Variants in CSMD1 observed in about 807,000 individuals in gnomAD.
CSMD1 encodes the protein CUB and sushi domain-containing protein 1.
A neutral mutation model predicts 417.5 loss-of-function variants in CSMD1; 213 were observed. That is an observed-to-expected ratio of 0.51 (90% CI 0.46 to 0.57). The LOEUF is 0.57. CSMD1 is among the 20% of genes least tolerant of loss of function. The pLI, the probability that CSMD1 is intolerant of heterozygous loss-of-function variation, is 0.00. For synonymous variants in CSMD1, 2,862 were observed against 1,736.8 expected (o/e 1.65, Z -16.11); for missense variants, 6,923 against 4,529.7 (o/e 1.53, Z -15.17).
chr8:3,861,068 G>A (rs1243272506), intron 5 of CSMD1, among the ~76,000 whole-genome samples: 1 of 152,054 alleles, frequency 6.6e-6, no homozygotes, highest in South Asian at 2.1e-4. Flanking sequence ...TCCTTTTTCA[G>A]TATCAGCTGT....
At chr8:4,673,893 C>A (rs1805509305) in intron 1 of CSMD1, among the ~76,000 whole-genome samples, 1 of 151,920 alleles carries the variant, frequency 6.6e-6, no homozygotes. Context: ...GTAATGATTG[C>A]TGAAAGATAC....
chr8:3,749,827 T>G (rs1380433571), intron 6 of CSMD1, among the ~76,000 whole-genome samples: 1 of 152,122 alleles, frequency 6.6e-6, no homozygotes, highest in Non-Finnish European at 1.5e-5. Flanking sequence ...ATTACTTCTA[T>G]GGTTAATGAA....
At chr8:4,349,113 A>G (rs553053039) in intron 3 of CSMD1, among the ~76,000 whole-genome samples, 7 of 152,354 alleles carry the variant, frequency 4.6e-5, no homozygotes, top group African/African-American at 1.2e-4. Flanking sequence ...AAGTTTGAAG[A>G]TAAGTAAAAT....
intron 7 of CSMD1, among the ~76,000 whole-genome samples, chr8:3,695,163 A>G (rs532870532): frequency 1.3e-5 from 2 of 150,854 alleles, no homozygotes; most frequent in South Asian, 4.2e-4. Context: ...GCACAGGGGG[A>G]CATATTTCCA....
intron 2 of CSMD1, among the ~76,000 whole-genome samples, chr8:4,564,828 G>T (rs1305844906): frequency 1.3e-5 from 2 of 152,186 alleles, no homozygotes; most frequent in Non-Finnish European, 2.9e-5. Context: ...CACTCACTGT[G>T]GGATGCGTCC....
At chr8:4,963,228 T>C (rs898865781) in intron 1 of CSMD1, among the ~76,000 whole-genome samples, 5 of 152,112 alleles carry the variant, frequency 3.3e-5, no homozygotes, top group African/African-American at 7.2e-5. Context: ...TGAGATGGAG[T>C]CTTGCTCTGT....
chr8:4,107,121 A>G (rs1160094727), intron 3 of CSMD1, among the ~76,000 whole-genome samples: 1 of 152,164 alleles, frequency 6.6e-6, no homozygotes, highest in Non-Finnish European at 1.5e-5. Flanking sequence ...AGGACTAACA[A>G]CCAAGCATAG....
chr8:3,854,244 A>C (rs528293518), intron 5 of CSMD1, among the ~76,000 whole-genome samples: 1 of 150,776 alleles, frequency 6.6e-6, no homozygotes, highest in South Asian at 2.1e-4. Context: ...TTAAAATCTC[A>C]GGAGTAATAC....
chr8:2,974,687 A>T, intron 55 of CSMD1, 63 bp from the exon 56 acceptor site: 2 of 1,277,970 alleles, frequency 1.6e-6, no homozygotes, highest in Non-Finnish European at 2.1e-6. Flanking sequence ...GTATTGGAAA[A>T]TCTCCCATAC....
chr8:3,052,520 T>C lies in CSMD1; in HGVS notation c.7602A>G (p.Thr2534=). The C allele has an allele frequency of 6.2e-7, 1 of 1,602,950 alleles. No individual in the cohort carries two copies. The highest frequency in any genetic ancestry group is 1.3e-5 in the African/African-American group (1 of 74,932). ...ACAACCCATCTTCTTGACACACGGCTGTTGCTTGCTGGCTGGATTCAAGCT... is the reference window on the plus strand; with the variant it reads ...ACAACCCATCTTCTTGACACACGGCCGTTGCTTGCTGGCTGGATTCAAGCT... The part of the protein sequence containing the change: ...GFKLESSQQA[T]AVCQEDGLWS... The change falls in exon 50 of 70, where the codon ACA becomes ACG. Residue 2534 remains threonine (T), a synonymous_variant. Transcript: ENST00000635120.
At chr8:3,355,588 C>T (rs1322644939) in intron 21 of CSMD1, among the ~76,000 whole-genome samples, 1 of 152,110 alleles carries the variant, frequency 6.6e-6, no homozygotes, top group East Asian at 1.9e-4. Flanking sequence ...ATAGCTGTTT[C>T]CACAGAACTG....
chr8:4,309,029 T>C lies in CSMD1; in HGVS notation c.415+110924A>G, dbSNP rs555044498. 9.2e-5 allele frequency among the ~76,000 whole-genome samples: 14 copies of C among 152,308 alleles called. No individual in the cohort carries two copies. In the South Asian group the frequency reaches 2.5e-3, roughly 27 times the overall value. On this transcript the variant is annotated intron_variant, in intron 3 of 69. Transcript: ENST00000635120. ...GAAAATGCATAACAGCAAATGATTA[T>C]TGATGTCATTCTTCACACCTATATT...
chr8:3,633,031 T>A (rs1369208977), intron 7 of CSMD1, among the ~76,000 whole-genome samples: 1 of 152,236 alleles, frequency 6.6e-6, no homozygotes, highest in African/African-American at 2.4e-5. Flanking sequence ...TCCTACTAAC[T>A]GATACTTTTA....
intron 5 of CSMD1, among the ~76,000 whole-genome samples, chr8:3,868,573 G>C (rs1457410939): frequency 1.3e-5 from 2 of 152,116 alleles, no homozygotes; most frequent in Non-Finnish European, 2.9e-5. Context: ...GTGGATTTGA[G>C]GGTCCAGCAG....
At chr8:3,627,473 C>A (rs142700211) in intron 7 of CSMD1, among the ~76,000 whole-genome samples, 1 of 151,996 alleles carries the variant, frequency 6.6e-6, no homozygotes, top group East Asian at 1.9e-4. Context: ...TATTTAAAGT[C>A]GTGCTATTAT....
chr8:3,845,727 C>A (rs34752770), intron 5 of CSMD1, among the ~76,000 whole-genome samples: 44,002 of 151,998 alleles, frequency 0.29, 6,498 homozygotes, highest in Non-Finnish European at 0.32. Context: ...GATTTTTCAT[C>A]TTTTTTACTC....
intron 3 of CSMD1, among the ~76,000 whole-genome samples, chr8:4,388,596 C>T (rs1224060609): frequency 2.0e-5 from 3 of 151,972 alleles, no homozygotes; most frequent in South Asian, 2.1e-4. Flanking sequence ...AAATAGGGTA[C>T]AGTGTATACT....
chr8:3,780,819 G>T (rs1455281503), intron 5 of CSMD1, among the ~76,000 whole-genome samples: 1 of 152,158 alleles, frequency 6.6e-6, no homozygotes. Context: ...CTAGTGCTTT[G>T]CCATAGAACA....
intron 1 of CSMD1, among the ~76,000 whole-genome samples, chr8:4,854,748 G>A (rs892142964): frequency 5.3e-5 from 8 of 152,180 alleles, no homozygotes; most frequent in African/African-American, 1.9e-4. Flanking sequence ...TCCCACACCT[G>A]GCTCGGAGGG....
Sources: gnomAD v4.1 joint callset for allele counts (sites outside exome capture counted in the v4.1 genomes callset) on GRCh38, gnomAD v4.1.1 for gene constraint, MANE v1.5 for transcripts, NCBI Gene and HGNC (gene_info 2026-07-23, HGNC 2026-07-21) for gene names.